ITM2B: variants seen among roughly 807,000 people sequenced by gnomAD.
ITM2B encodes the protein integral membrane protein 2B.
In ITM2B, 11 loss-of-function variants were observed where a neutral mutation model predicts 27.8. The ratio of observed to expected loss-of-function variants is 0.40; its 90% CI spans 0.25 to 0.66. The LOEUF (loss-of-function observed/expected upper bound fraction) is 0.66. Ranked by LOEUF, ITM2B falls within the 30% of genes least tolerant of loss-of-function variation. ITM2B has a pLI of 0.43. For synonymous variants in ITM2B, 114 were observed against 114.3 expected, an observed-to-expected ratio of 1.00 and a Z score of 0.02; for missense variants, 296 against 328.9, an observed-to-expected ratio of 0.90 and a Z score of 0.77.
At chr13:48,236,956 CAA>C (rs1951672160) in intron 1 of ITM2B, among the ~76,000 whole-genome samples, 1 of 152,114 alleles carries the variant, frequency 6.6e-6, no homozygotes, top group Non-Finnish European at 1.5e-5. Flanking sequence ...AGGGTGAGTG[CAA>C]GAGAGAAAGT....
rs1350636907 is a variant in ITM2B at position 48,269,140 on chromosome 13, T to TC, written c.*7918dup. On this transcript the variant is annotated 3_prime_UTR_variant, in exon 6 of 6. Coordinates refer to ENST00000647800, the MANE Select transcript of ITM2B (RefSeq NM_021999.5). Reference sequence around the variant, plus strand: ...TTCCTCATCTCAGCTCCTTTTTTTTTCCAGTTGCACAGGCTAAAAATAGGA... The same window carrying TC: ...TTCCTCATCTCAGCTCCTTTTTTTTTCCCAGTTGCACAGGCTAAAAATAGGA... 3 of 152,320 alleles carry TC rather than the reference T, an allele frequency of 2.0e-5. No individual in the cohort carries two copies. In the East Asian group the frequency reaches 5.8e-4, roughly 29 times the overall value. The allele number at this position is 152,320 out of a possible 1,614,324, so 9.4% of individuals were successfully genotyped here. A position where few individuals can be genotyped will look rare whatever the true frequency, so the allele number is the denominator to read the frequency against.
intron 1 of ITM2B, among the ~76,000 whole-genome samples, chr13:48,237,659 G>A (rs557860584): frequency 2.0e-5 from 3 of 152,282 alleles, no homozygotes; most frequent in South Asian, 4.1e-4. Flanking sequence ...GACTTACAAG[G>A]TGTTTATTAT....
chr13:48,261,301 T>C lies in ITM2B; in HGVS notation c.*77T>C. The C allele has an allele frequency of 1.0e-6, 1 of 997,550 alleles. No homozygotes were observed. 61.8% of individuals were successfully genotyped at this position (997,550 alleles called of 1,614,324 possible). On this transcript the variant is annotated 3_prime_UTR_variant, in exon 6 of 6. Transcript: ENST00000647800. ...CCCTTTACATTTTGTGCAGTGATTATTTTTTAAAGTCTTCTTTCATGTAAG... is the reference window on the plus strand; with the variant it reads ...CCCTTTACATTTTGTGCAGTGATTACTTTTTAAAGTCTTCTTTCATGTAAG...
At position 48,261,463 on chromosome 13, in the gene ITM2B, T is replaced by G. The variant is rs532090716; in HGVS notation, c.*239T>G. 3 of 353,100 alleles carry G rather than the reference T, an allele frequency of 8.5e-6. No homozygotes were observed. In the East Asian group the frequency reaches 1.5e-4, roughly 17 times the overall value. 21.9% of individuals were successfully genotyped at this position (353,100 alleles called of 1,614,324 possible). On this transcript the variant is annotated 3_prime_UTR_variant, in exon 6 of 6. Transcript: ENST00000647800. ...ATGAAGTCATAGATAATAGTACATG[T>G]CACCTTAGGTAGTAGGAAGAATTAC...
chr13:48,244,627 T>C (rs1951715514), intron 1 of ITM2B, among the ~76,000 whole-genome samples: 1 of 152,218 alleles, frequency 6.6e-6, no homozygotes, highest in Non-Finnish European at 1.5e-5. Context: ...TAAATGAAAT[T>C]ACCCATATTT....
At chr13:48,245,486 C>T (rs555663890) in intron 1 of ITM2B, among the ~76,000 whole-genome samples, 2 of 150,522 alleles carry the variant, frequency 1.3e-5, no homozygotes, top group African/African-American at 4.9e-5. Context: ...GTCTCTGATA[C>T]AAAAGTGATT....
intron 1 of ITM2B, 27 bp downstream of exon 1, chr13:48,233,504 CG>C: frequency 6.9e-7 from 1 of 1,456,548 alleles, no homozygotes; most frequent in Non-Finnish European, 9.2e-7. Flanking sequence ...GTCGAGGAAG[CG>C]GGTGCTGGGC....
chr13:48,233,250 C>T lies in ITM2B; in HGVS notation c.-111C>T. On this transcript the variant is annotated 5_prime_UTR_variant, in exon 1 of 6. Transcript: ENST00000647800. ...GCGGAGCTTCCCGAACCTCTTCAGC[C>T]GCCCGGAGCCGCTCCCGGAGCCCGG... is the stretch of plus-strand genomic sequence containing the variant. 1 of 619,888 alleles carries T rather than the reference C, an allele frequency of 1.6e-6. No homozygotes were observed. Among genetic ancestry groups the T allele is most frequent in the Non-Finnish European group, 2.7e-6 (1 of 374,648 alleles). The allele number at this position is 619,888 out of a possible 1,614,324, so 38.4% of individuals were successfully genotyped here. A position where few individuals can be genotyped will look rare whatever the true frequency, so the allele number is the denominator to read the frequency against.
Position 48,268,797 on chromosome 13 carries a change from T to C in ITM2B, c.*7573T>C, listed in dbSNP as rs1028165150. On this transcript the variant is annotated 3_prime_UTR_variant, in exon 6 of 6. Coordinates refer to ENST00000647800, the MANE Select transcript of ITM2B (RefSeq NM_021999.5). ...TGCAAAATCATCTTTATTGTAAACA[T>C]ATCTTTTTGAGGGTAGATTGGTAAA... 2 of 152,240 alleles carry C rather than the reference T, an allele frequency of 1.3e-5. No individual in the cohort carries two copies. The highest frequency in any genetic ancestry group is 2.4e-5 in the African/African-American group (1 of 41,466). The allele number at this position is 152,240 out of a possible 1,614,324, so 9.4% of individuals were successfully genotyped here.
chr13:48,251,496 A>G (rs759052883), intron 1 of ITM2B, among the ~76,000 whole-genome samples: 1 of 152,240 alleles, frequency 6.6e-6, no homozygotes, highest in Non-Finnish European at 1.5e-5. Context: ...TGCCTAGCAC[A>G]GCTCTTGGCA....
intron 2 of ITM2B, among the ~76,000 whole-genome samples, chr13:48,254,176 A>G (rs1439313665): frequency 6.6e-6 from 1 of 152,138 alleles, no homozygotes; most frequent in African/African-American, 2.4e-5. Context: ...TAAGGGATTT[A>G]TTTAGGTCAT....
chr13:48,246,819 G>A (rs1593391590), intron 1 of ITM2B, among the ~76,000 whole-genome samples: 1 of 152,082 alleles, frequency 6.6e-6, no homozygotes, highest in East Asian at 1.9e-4. Context: ...ACATTGATGG[G>A]AAATTTAGTT....
intron 1 of ITM2B, among the ~76,000 whole-genome samples, chr13:48,247,383 TAA>T (rs901230337): frequency 6.6e-6 from 1 of 152,292 alleles, no homozygotes; most frequent in Middle Eastern, 3.4e-3. Context: ...TTTTTAACAC[TAA>T]GAGTTGTTTT....
In ITM2B at chr13:48,263,869, G is replaced by A. The variant is rs1951835883; in HGVS notation, c.*2645G>A. On this transcript the variant is annotated 3_prime_UTR_variant, in exon 6 of 6. Coordinates refer to ENST00000647800, the MANE Select transcript of ITM2B (RefSeq NM_021999.5). ...CCCATTTCCTAATACTGTCACCTTG[G>A]GGGTAAGGATTTCAACATGAATTCT... 1 of 152,108 alleles carries A rather than the reference G, an allele frequency of 6.6e-6. No individual in the cohort carries two copies. Among genetic ancestry groups the A allele is most frequent in the South Asian group, 2.1e-4 (1 of 4,830 alleles). 9.4% of individuals were successfully genotyped at this position (152,108 alleles called of 1,614,324 possible).
At chr13:48,246,409 T>A (rs988979902) in intron 1 of ITM2B, among the ~76,000 whole-genome samples, 7 of 152,218 alleles carry the variant, frequency 4.6e-5, no homozygotes, top group Non-Finnish European at 8.8e-5. Flanking sequence ...AAAATTCAGA[T>A]ACTGATTTAA....
chr13:48,236,129 C>T (rs971046955), intron 1 of ITM2B, among the ~76,000 whole-genome samples: 8 of 152,176 alleles, frequency 5.3e-5, no homozygotes, highest in African/African-American at 1.7e-4. Flanking sequence ...TCTCAACTAG[C>T]TTGCTGTTTA....
In ITM2B at chr13:48,265,215, C is replaced by T. The variant is rs1346935897; in HGVS notation, c.*3991C>T. On this transcript the variant is annotated 3_prime_UTR_variant, in exon 6 of 6. Transcript: ENST00000647800. ...AAAAGTAAATGTTCCCGCCCTTCTA[C>T]CATCCTCCTTCCTCAGTCCCATTCC... 6.6e-6 allele frequency: 1 copy of T among 152,176 alleles called. No homozygotes were observed. Among genetic ancestry groups the T allele is most frequent in the Non-Finnish European group, 1.5e-5 (1 of 68,030 alleles). 9.4% of individuals were successfully genotyped at this position (152,176 alleles called of 1,614,324 possible). A position where few individuals can be genotyped will look rare whatever the true frequency, so the allele number is the denominator to read the frequency against.
At chr13:48,260,797 C>T (rs1049883803) in intron 5 of ITM2B, among the ~76,000 whole-genome samples, 1 of 152,022 alleles carries the variant, frequency 6.6e-6, no homozygotes, top group Non-Finnish European at 1.5e-5. Context: ...ATGAAATTTA[C>T]CCTTTTTAGT....
chr13:48,253,961 CTCT>C, intron 2 of ITM2B, 25 bp downstream of exon 2: 1 of 1,586,402 alleles, frequency 6.3e-7, no homozygotes, highest in Non-Finnish European at 8.6e-7. Context: ...TATTTTGTGT[CTCT>C]GATTTTTTTT....
Sources: allele counts gnomAD v4.1 joint callset (sites outside exome capture counted in the v4.1 genomes callset), GRCh38; gene constraint gnomAD v4.1.1; transcripts MANE v1.5; gene names NCBI Gene and HGNC (gene_info 2026-07-23, HGNC 2026-07-21).